The following BAG4 variants were observed in gnomAD, a reference collection of about 807,000 sequenced individuals.
BAG4 encodes the protein BAG cochaperone 4.
Under a neutral mutation model 52.1 loss-of-function variants are expected in BAG4, and 28 were observed. That is an observed-to-expected ratio of 0.54 (90% CI 0.40 to 0.74). The LOEUF (loss-of-function observed/expected upper bound fraction) is 0.74, where lower values mean the gene tolerates loss of function less well. BAG4 is among the 30% of genes least tolerant of loss of function. The pLI is 0.00. For synonymous variants in BAG4, 208 were observed against 217.0 expected (o/e 0.96, Z 0.37); for missense variants, 525 against 572.0 (o/e 0.92, Z 0.84).
chr8:38,194,894 G>A (rs1372201885), intron 2 of BAG4, among the ~76,000 whole-genome samples: 47 of 107,528 alleles, frequency 4.4e-4, no homozygotes, highest in Admixed American at 1.1e-3. Context: ...TCGCTCTGTT[G>A]CCCAGGCTGG....
At chr8:38,184,617 G>A (rs1485627786) in intron 1 of BAG4, among the ~76,000 whole-genome samples, 2 of 152,178 alleles carry the variant, frequency 1.3e-5, no homozygotes, top group South Asian at 2.1e-4. Flanking sequence ...TGACTGCTGC[G>A]TACAGGTTGA....
At chr8:38,177,507 G>A (rs1479063565) in intron 1 of BAG4, among the ~76,000 whole-genome samples, 1 of 152,186 alleles carries the variant, frequency 6.6e-6, no homozygotes, top group African/African-American at 2.4e-5. Context: ...CGGCTCTCCC[G>A]GGGAAGGGAA....
Position 38,207,728 on chromosome 8 carries a change from C to G in BAG4, c.595C>G (p.Pro199Ala), listed in dbSNP as rs150045830. The change falls in exon 3 of 5, where the codon CCT (proline) becomes GCT (alanine). Residue 199 changes from proline to alanine, a missense_variant. By Grantham distance (27) the Pro-to-Ala change is conservative. This residue lies in a region of BAG4 where 287 missense variants were observed against 266.1 expected (regional missense o/e 1.08). Transcript: ENST00000287322. ...GCAGGACTGTCAGACTGAAGCACCC[C>G]CTCTTAGGGGGCAGGTTCCAGGATA... Reference protein sequence around the residue: ...PQQDCQTEAPPLRGQVPGYPP... With the variant: ...PQQDCQTEAPALRGQVPGYPP... The G allele has an allele frequency of 4.2e-3, 6,859 of 1,614,172 alleles. 18 individuals carry two copies. The highest frequency in any genetic ancestry group is 5.1e-3 in the Non-Finnish European group (6,000 of 1,180,026).
At chr8:38,178,514 C>T (rs746537554) in intron 1 of BAG4, among the ~76,000 whole-genome samples, 1 of 152,198 alleles carries the variant, frequency 6.6e-6, no homozygotes, top group Non-Finnish European at 1.5e-5. Flanking sequence ...CCTCTTGGAG[C>T]CCTGGTTCTT....
At chr8:38,190,496 A>G (rs1803456549) in intron 1 of BAG4, among the ~76,000 whole-genome samples, 1 of 151,884 alleles carries the variant, frequency 6.6e-6, no homozygotes, top group Admixed American at 6.6e-5. Context: ...ATCATAGATC[A>G]TAGCTCACCA....
chr8:38,179,624 G>C (rs1369843816), intron 1 of BAG4, among the ~76,000 whole-genome samples: 2 of 151,716 alleles, frequency 1.3e-5, no homozygotes, highest in African/African-American at 2.4e-5. Context: ...AAATTAGCTG[G>C]GCATGGTGGC....
chr8:38,207,482 CT>C (rs34871726), intron 2 of BAG4, 29 bp from the exon 3 acceptor site: 95 of 1,598,766 alleles, frequency 5.9e-5, no homozygotes, highest in Non-Finnish European at 7.3e-5. Flanking sequence ...ACTAATTCAT[CT>C]TTTTTTCACT....
intron 1 of BAG4, among the ~76,000 whole-genome samples, chr8:38,189,184 AC>A (rs1284088384): frequency 6.6e-6 from 1 of 151,944 alleles, no homozygotes. Context: ...ACCTCAAGTG[AC>A]CCACCCACCT....
chr8:38,196,659 A>G (rs951397003), intron 2 of BAG4, among the ~76,000 whole-genome samples: 1 of 152,148 alleles, frequency 6.6e-6, no homozygotes, highest in African/African-American at 2.4e-5. Context: ...TCAAAAAAAA[A>G]AATTATAGCC....
At position 38,203,465 on chromosome 8, in the gene BAG4, A is replaced by G. The variant is rs1007561727; in HGVS notation, c.379-4047A>G. 4.6e-5 allele frequency among the ~76,000 whole-genome samples: 7 copies of G among 151,732 alleles called. 1 individual carries two copies. Among genetic ancestry groups the G allele is most frequent in the Non-Finnish European group, 8.8e-5 (6 of 67,924 alleles). On this transcript the variant is annotated intron_variant, in intron 2 of 4. Transcript: ENST00000287322. ...GCCCAGCTAATTTTTTTGTATTTTT[A>G]GTAGAGACAGGGTTTCACCGTGTTA...
intron 3 of BAG4, among the ~76,000 whole-genome samples, chr8:38,208,133 C>T (rs1452402152): frequency 1.3e-5 from 2 of 151,494 alleles, no homozygotes; most frequent in African/African-American, 2.4e-5. Context: ...CGCGCCATCA[C>T]GCCCAGCTCA....
intron 1 of BAG4, among the ~76,000 whole-genome samples, chr8:38,181,258 G>T (rs1451624053): frequency 2.8e-5 from 4 of 145,210 alleles, no homozygotes; most frequent in Non-Finnish European, 6.0e-5. Flanking sequence ...TTTTGAGACG[G>T]AGTTTTGCTC....
In BAG4 at chr8:38,209,241, C is replaced by A. The variant is rs771854090; in HGVS notation, c.862C>A (p.Pro288Thr). 4 of 1,614,056 alleles carry A rather than the reference C, an allele frequency of 2.5e-6. No homozygotes were observed. The highest frequency in any genetic ancestry group is 3.4e-6 in the Non-Finnish European group (4 of 1,180,046). ...WPSSGSPQSP[P>T]SPPVQQPKDS... ...TAGCAGTGGCTCTCCCCAGTCACCC[C>A]CTTCACCCCCAGTCCAGCAGCCCAA... The change falls in exon 4 of 5, where the codon CCT becomes ACT. Residue 288 changes from proline to threonine, a missense_variant. Transcript: ENST00000287322.
chr8:38,206,352 C>T (rs1458610362), intron 2 of BAG4, among the ~76,000 whole-genome samples: 2 of 151,250 alleles, frequency 1.3e-5, no homozygotes, highest in Non-Finnish European at 2.9e-5. Context: ...TGTGCGCCTG[C>T]CTAGCTTGAA....
chr8:38,208,464 C>T (rs1267398583), intron 3 of BAG4, among the ~76,000 whole-genome samples: 4 of 151,170 alleles, frequency 2.6e-5, no homozygotes, highest in African/African-American at 7.3e-5. Flanking sequence ...CGCCCGCCAC[C>T]GCGCCCAGCT....
At chr8:38,204,655 A>G (rs1046262788) in intron 2 of BAG4, among the ~76,000 whole-genome samples, 1 of 152,060 alleles carries the variant, frequency 6.6e-6, no homozygotes, top group African/African-American at 2.4e-5. Context: ...CAACGAAAAA[A>G]AAAACAAAAA....
intron 2 of BAG4, among the ~76,000 whole-genome samples, chr8:38,194,409 CTTTTTTTTTTTTTT>C (rs750931003): frequency 2.5e-5 from 2 of 78,596 alleles, no homozygotes; most frequent in Non-Finnish European, 4.9e-5. Context: ...TAGGTGTGTA[CTTTTTTTTTTTTTT>C]TTTTTTTTTT....
chr8:38,187,456 T>G (rs1363069468), intron 1 of BAG4, among the ~76,000 whole-genome samples: 1 of 152,186 alleles, frequency 6.6e-6, no homozygotes, highest in Non-Finnish European at 1.5e-5. Flanking sequence ...CAGACACCAT[T>G]GAACACACCA....
At chr8:38,177,199 A>G (rs1197258043) in intron 1 of BAG4, 60 bp downstream of exon 1, 2 of 1,590,238 alleles carry the variant, frequency 1.3e-6, no homozygotes, top group African/African-American at 1.4e-5. Context: ...TGGGGTTCGT[A>G]AAGGATCGGG....
Sources: gnomAD v4.1 joint callset for allele counts (sites outside exome capture counted in the v4.1 genomes callset) on GRCh38, gnomAD v4.1.1 for gene constraint, gnomAD v4.1.1 regional missense constraint, MANE v1.5 for transcripts, NCBI Gene and HGNC (gene_info 2026-07-23, HGNC 2026-07-21) for gene names.